The following ADGRD2 variants were observed in gnomAD, a reference collection of about 807,000 sequenced individuals.
ADGRD2 encodes the protein adhesion G protein-coupled receptor D2, also known as G protein-coupled receptor PGR24.
In ADGRD2, 71 loss-of-function variants were observed where a neutral mutation model predicts 44.4. That is an observed-to-expected ratio of 1.60 (90% CI 1.32 to 1.95). ADGRD2 has a LOEUF of 1.95. Among genes scored for constraint, ADGRD2 ranks in the 30% most tolerant of loss-of-function variants. The pLI is 0.00. For missense variants in ADGRD2, 1,039 were observed against 512.4 expected, an observed-to-expected ratio of 2.03 and a Z score of -9.92; for synonymous variants, 481 against 224.8, an observed-to-expected ratio of 2.14 and a Z score of -10.19.
In ADGRD2 at chr9:124,466,288, C is replaced by A. The variant is rs201238049; in HGVS notation, c.1903C>A (p.Pro635Thr). 2.6e-4 allele frequency: 185 copies of A among 712,208 alleles called. 1 individual carries two copies. Among genetic ancestry groups the A allele is most frequent in the Middle Eastern group, 9.2e-4 (4 of 4,348 alleles). The allele number at this position is 712,208 out of a possible 1,614,324, so 44.1% of individuals were successfully genotyped here. ...CCTGTTCCCTCCCCATCCCCCAAGC[C>A]CATATACAGGGGGTGCCTGGGCCAC... The change falls in exon 11 of 22, where the codon CCA becomes ACA. Residue 635 changes from proline (P) to threonine (T), a missense_variant. Coordinates refer to ENST00000334810, the Ensembl canonical transcript of ADGRD2.
intron 10 of ADGRD2, among the ~76,000 whole-genome samples, chr9:124,463,132 T>C (rs538922181): frequency 6.6e-6 from 1 of 152,344 alleles, no homozygotes; most frequent in African/African-American, 2.4e-5. Flanking sequence ...ATGTTTGGGC[T>C]TTTTGTAGAT....
chr9:124,451,105 G>A (rs897680462), upstream of ADGRD2: 1 of 472,326 alleles, frequency 2.1e-6, no homozygotes. Flanking sequence ...AGGCAGGAGG[G>A]ATGGCATGGT....
At chr9:124,470,273 A>G (rs1351738030) in intron 16 of ADGRD2, among the ~76,000 whole-genome samples, 1 of 152,146 alleles carries the variant, frequency 6.6e-6, no homozygotes, top group Non-Finnish European at 1.5e-5. Context: ...CCCATCTCCC[A>G]AGTGCCGCTA....
At position 124,458,510 on chromosome 9, in the gene ADGRD2, G is replaced by A. The variant is rs868290021; in HGVS notation, c.1765-106G>A. ...GTGCCACAATTCCTGATATCCCTTC[G>A]GACACAGAGGCTGCCACCTCCACCG... On this transcript the variant is annotated intron_variant, in intron 9 of 21. Transcript: ENST00000334810. 103 of 649,064 alleles carry A rather than the reference G, an allele frequency of 1.6e-4. No individual in the cohort carries two copies. The Middle Eastern group carries it at 0.01, about 66-fold the overall frequency. 40.2% of individuals were successfully genotyped at this position (649,064 alleles called of 1,614,324 possible). A position where few individuals can be genotyped will look rare whatever the true frequency, so the allele number is the denominator to read the frequency against.
At position 124,469,536 on chromosome 9, in the gene ADGRD2, G is replaced by GA; in HGVS notation, c.2627dup (p.Thr877AsnfsTer57). 1 of 718,032 alleles carries GA rather than the reference G, an allele frequency of 1.4e-6. No homozygotes were observed. The highest frequency in any genetic ancestry group is 2.6e-6 in the Non-Finnish European group (1 of 385,080). 44.5% of individuals were successfully genotyped at this position (718,032 alleles called of 1,614,324 possible). On this transcript the variant is annotated frameshift_variant, in exon 16 of 22. Coordinates refer to ENST00000334810, the Ensembl canonical transcript of ADGRD2. LOFTEE classifies it high-confidence loss of function. ...AGCCCTGCCTGCAGCAGCAGATCTGGACCCAGATATGGTGAGGCCCCAGAA... is the reference window on the plus strand; with the variant it reads ...AGCCCTGCCTGCAGCAGCAGATCTGGAACCCAGATATGGTGAGGCCCCAGAA...
intron 17 of ADGRD2, among the ~76,000 whole-genome samples, chr9:124,471,490 G>A (rs1831944235): frequency 6.6e-6 from 1 of 152,164 alleles, no homozygotes; most frequent in Non-Finnish European, 1.5e-5. Context: ...GCCACTCACA[G>A]TGCCTGGGTG....
intron 21 of ADGRD2, 24 bp downstream of exon 24, chr9:124,476,733 C>T: frequency 1.4e-6 from 1 of 695,808 alleles, no homozygotes; most frequent in Non-Finnish European, 2.6e-6. Context: ...CTCACGGGGT[C>T]CCCTCTTTTC....
chr9:124,458,555 C>A lies in ADGRD2; in HGVS notation c.1765-61C>A. ...CCACCGTAGGGGCCTGGGTGACATG[C>A]CGCAGCCAGGCACCATCCCTCCTCC... On this transcript the variant is annotated intron_variant, in intron 9 of 21. Coordinates refer to ENST00000334810, the Ensembl canonical transcript of ADGRD2. 5.7e-6 allele frequency: 4 copies of A among 699,034 alleles called. No homozygotes were observed. In the Admixed American group the frequency reaches 8.2e-5, roughly 14 times the overall value. The allele number at this position is 699,034 out of a possible 1,614,324, so 43.3% of individuals were successfully genotyped here. A position where few individuals can be genotyped will look rare whatever the true frequency, so the allele number is the denominator to read the frequency against.
intron 11 of ADGRD2, 135 bp downstream of exon 14, chr9:124,466,548 A>T (rs549503058): frequency 5.8e-6 from 3 of 514,140 alleles, no homozygotes; most frequent in Non-Finnish European, 1.1e-5. Context: ...GGCTGCATGC[A>T]GTAGTTCATG....
chr9:124,451,465 C>A (rs1831466450), upstream of ADGRD2: 2 of 349,890 alleles, frequency 5.7e-6, no homozygotes, highest in South Asian at 4.3e-5. Context: ...GGTGGGCCAC[C>A]CCATCCTGGG....
chr9:124,466,615 G>T, intron 11 of ADGRD2: 1 of 393,780 alleles, frequency 2.5e-6, no homozygotes, highest in East Asian at 4.1e-5. Context: ...TTCAAGACCA[G>T]CCTGGGCAAC....
chr9:124,468,592 G>C (rs746884301), exon 14 of ADGRD2: 2 of 718,450 alleles, frequency 2.8e-6, no homozygotes, highest in African/African-American at 3.5e-5. Context: ...CTGGTGGAGG[G>C]GCTGCTGCTG....
At chr9:124,456,979 A>C (rs1192295932) in intron 7 of ADGRD2, among the ~76,000 whole-genome samples, 3 of 152,150 alleles carry the variant, frequency 2.0e-5, no homozygotes, top group African/African-American at 7.2e-5. Context: ...TCCTCCTCTG[A>C]GAGACAGTTC....
In ADGRD2 at chr9:124,469,413, A is replaced by C. The variant is rs1450068622; in HGVS notation, c.2522-19A>C. On this transcript the variant is annotated intron_variant, in intron 15 of 21. Transcript: ENST00000334810. ...TGGGGATGGGGAAGTCCTCTTGCCC[A>C]CTGACCCCAGGTCTCCAGGCCAACA... 1.4e-6 allele frequency: 1 copy of C among 718,010 alleles called. No homozygotes were observed. Among genetic ancestry groups the C allele is most frequent in the African/African-American group, 1.7e-5 (1 of 57,244 alleles). The allele number at this position is 718,010 out of a possible 1,614,324, so 44.5% of individuals were successfully genotyped here.
rs917969781 is a variant in ADGRD2, at chr9:124,454,014, G to C, written c.941G>C (p.Cys314Ser). Residue 314 changes from cysteine (C) to serine (S), a missense_variant, in exon 4 of 22, where the codon TGC becomes TCC. Cys to Ser is a moderately radical substitution (Grantham distance 112). Transcript: ENST00000334810. This position sits in a 1 kb window ranked among gnomAD's most constrained non-coding sequence, Gnocchi z 4.5. ...CCCCTGCCAGTGCCCTCCGAGGAGT[G>C]CCCTACGTGGAACCCGGGACCTCGC... 3.7e-5 allele frequency: 26 copies of C among 707,996 alleles called. No homozygotes were observed. In the Admixed American group the frequency reaches 5.4e-4, roughly 15 times the overall value. The allele number at this position is 707,996 out of a possible 1,614,324, so 43.9% of individuals were successfully genotyped here.
intron 21 of ADGRD2, chr9:124,476,998 G>A (rs1373913533): frequency 3.0e-6 from 2 of 657,644 alleles, no homozygotes; most frequent in Non-Finnish European, 5.8e-6. Flanking sequence ...TCTCTGCCCA[G>A]GGGGGCGCTG....
intron 17 of ADGRD2, among the ~76,000 whole-genome samples, chr9:124,474,342 C>T (rs1316916017): frequency 4.7e-5 from 7 of 148,742 alleles, no homozygotes; most frequent in East Asian, 2.0e-4. Context: ...CCATGCAGGG[C>T]GTCAGGCAGG....
intron 8 of ADGRD2, 83 bp from the exon 12 acceptor site, chr9:124,458,030 G>A (rs1024940291): frequency 2.8e-5 from 20 of 702,374 alleles, no homozygotes; most frequent in Non-Finnish European, 4.5e-5. Flanking sequence ...TCTCTAGAGT[G>A]GGGAGAGCAT....
chr9:124,453,757 C>T, intron 3 of ADGRD2, 81 bp downstream of exon 6: 1 of 642,896 alleles, frequency 1.6e-6, no homozygotes, highest in South Asian at 1.7e-5. Flanking sequence ...CACCCCTTGC[C>T]AACCAAGCCA....
Sources: gnomAD v4.1 joint callset for allele counts (sites outside exome capture counted in the v4.1 genomes callset) on GRCh38, gnomAD v4.1.1 for gene constraint, Gnocchi (gnomAD v3.1) non-coding constraint, MANE v1.5 for transcripts, NCBI Gene and HGNC (gene_info 2026-07-23, HGNC 2026-07-21) for gene names.